LRP1B: variants seen among roughly 807,000 people sequenced by gnomAD.
LRP1B encodes LDL receptor related protein 1B.
LRP1B carries 217 observed loss-of-function variants against 556.6 expected under a neutral mutation model. The ratio of observed to expected loss-of-function variants is 0.39; its 90% CI spans 0.35 to 0.44. LRP1B has a LOEUF of 0.44. LRP1B is among the 20% of genes least tolerant of loss of function. The pLI is 1.00. For missense variants in LRP1B, 5,053 were observed against 5,620.8 expected (o/e 0.90, Z 3.23); for synonymous variants, 2,047 against 1,865.8 (o/e 1.10, Z -2.50).
At chr2:140,800,661 C>G (rs1194579886) in intron 32 of LRP1B, among the ~76,000 whole-genome samples, 1 of 152,118 alleles carries the variant, frequency 6.6e-6, no homozygotes, top group Non-Finnish European at 1.5e-5. Context: ...ACCCAATACT[C>G]TCTACAAAGT....
intron 2 of LRP1B, among the ~76,000 whole-genome samples, chr2:141,682,047 CGA>C (rs1691123516): frequency 6.6e-6 from 1 of 151,728 alleles, no homozygotes; most frequent in African/African-American, 2.4e-5. Context: ...GAAAGAATTT[CGA>C]AGCAAAAGTG....
chr2:140,294,043 C>T (rs1683505071), intron 84 of LRP1B, among the ~76,000 whole-genome samples: 1 of 152,150 alleles, frequency 6.6e-6, no homozygotes, highest in African/African-American at 2.4e-5. Context: ...TCAATTAAAA[C>T]ATAAGCTAAC....
intron 7 of LRP1B, among the ~76,000 whole-genome samples, chr2:141,063,663 C>A (rs974505266): frequency 6.6e-6 from 1 of 151,792 alleles, no homozygotes; most frequent in African/African-American, 2.4e-5. Context: ...TTCCATCCTG[C>A]ATCTCTGTTT....
Position 140,700,536 on chromosome 2 carries a change from G to A in LRP1B, c.6513C>T (p.Ala2171=), listed in dbSNP as rs563843597. The A allele has an allele frequency of 6.2e-7, 1 of 1,613,448 alleles. No homozygotes were observed. The highest frequency in any genetic ancestry group is 1.1e-5 in the South Asian group (1 of 91,074). ...RGNSRRTCAC[A]HGYLAEDGVT... ...CTCCATCTTCTGCCAAATATCCATG[G>A]GCACAAGCACAAGTTCTCCGGGAAT... Residue 2171 remains alanine, a synonymous_variant, in exon 41 of 91, where the codon GCC becomes GCT. Transcript: ENST00000389484.
At chr2:140,763,087 A>T (rs1688984672) in intron 35 of LRP1B, among the ~76,000 whole-genome samples, 1 of 152,114 alleles carries the variant, frequency 6.6e-6, no homozygotes. Context: ...AAATAGTTTG[A>T]CCTATCTATA....
intron 37 of LRP1B, 92 bp downstream of exon 37, chr2:140,715,879 TCA>T (rs1687192198): frequency 3.9e-6 from 4 of 1,032,040 alleles, no homozygotes; most frequent in Non-Finnish European, 5.5e-6. Flanking sequence ...TGATTTTGTC[TCA>T]GACATTACAG....
intron 80 of LRP1B, among the ~76,000 whole-genome samples, chr2:140,324,540 G>A (rs1680351005): frequency 6.6e-6 from 1 of 151,892 alleles, no homozygotes; most frequent in Non-Finnish European, 1.5e-5. Context: ...AATAATATTT[G>A]ACATTACTAT....
chr2:140,712,933 C>CTGTTGT (rs145358333), intron 37 of LRP1B, among the ~76,000 whole-genome samples: 2,452 of 151,886 alleles, frequency 0.016, 63 homozygotes, highest in African/African-American at 0.057. Context: ...GTTTTTGTTG[C>CTGTTGT]TGTTGTTGTT....
intron 41 of LRP1B, among the ~76,000 whole-genome samples, chr2:140,673,327 T>G (rs1685554337): frequency 6.6e-6 from 1 of 151,236 alleles, no homozygotes. Flanking sequence ...TCAAATTTAA[T>G]TATATTTATT....
chr2:141,212,245 C>T (rs57012821), intron 6 of LRP1B, among the ~76,000 whole-genome samples: 4 of 62,200 alleles, frequency 6.4e-5, no homozygotes, highest in Non-Finnish European at 1.2e-4. Context: ...ATCAAAAAGT[C>T]TAGATTTTTT....
At chr2:140,672,869 T>C (rs967105041) in intron 41 of LRP1B, among the ~76,000 whole-genome samples, 2 of 152,202 alleles carry the variant, frequency 1.3e-5, no homozygotes, top group African/African-American at 4.8e-5. Context: ...GATAATTCCA[T>C]CCTTATTTTT....
intron 86 of LRP1B, among the ~76,000 whole-genome samples, chr2:140,251,093 A>G (rs1299142734): frequency 6.6e-6 from 1 of 151,724 alleles, no homozygotes; most frequent in Admixed American, 6.6e-5. Context: ...TATAGCTATA[A>G]TGTTTTGTTT....
At chr2:141,221,702 A>C (rs1346864596) in intron 6 of LRP1B, among the ~76,000 whole-genome samples, 1 of 152,176 alleles carries the variant, frequency 6.6e-6, no homozygotes, top group African/African-American at 2.4e-5. Context: ...ACTAATACAA[A>C]ATAACTGAAA....
chr2:140,459,703 T>C (rs775555062), intron 60 of LRP1B, among the ~76,000 whole-genome samples: 2 of 152,188 alleles, frequency 1.3e-5, no homozygotes, highest in Non-Finnish European at 2.9e-5. Context: ...AGTAATGATA[T>C]GGTTTGGCTC....
intron 2 of LRP1B, among the ~76,000 whole-genome samples, chr2:141,802,819 C>T (rs1159947177): frequency 6.6e-6 from 1 of 152,008 alleles, no homozygotes; most frequent in Non-Finnish European, 1.5e-5. Flanking sequence ...AGCCTTCATC[C>T]ACAACCCCAA....
intron 43 of LRP1B, among the ~76,000 whole-genome samples, chr2:140,574,870 T>C (rs1313180982): frequency 1.3e-5 from 2 of 152,196 alleles, no homozygotes; most frequent in Non-Finnish European, 1.5e-5. Context: ...TGAATTCATT[T>C]TTAGGTGTTA....
intron 6 of LRP1B, among the ~76,000 whole-genome samples, chr2:141,223,052 G>T (rs2105280145): frequency 6.6e-6 from 1 of 152,264 alleles, no homozygotes; most frequent in Middle Eastern, 3.4e-3. Context: ...TCAGGCAAGA[G>T]AAAGAAATAA....
At chr2:140,920,475 T>A (rs1200790667) in intron 21 of LRP1B, among the ~76,000 whole-genome samples, 1 of 152,046 alleles carries the variant, frequency 6.6e-6, no homozygotes, top group African/African-American at 2.4e-5. Context: ...AAAATAATCA[T>A]GAACTTTGGA....
intron 29 of LRP1B, among the ~76,000 whole-genome samples, chr2:140,849,647 T>G (rs1467337085): frequency 6.6e-6 from 1 of 152,010 alleles, no homozygotes; most frequent in Non-Finnish European, 1.5e-5. Context: ...TCAAGTGATT[T>G]TCCTGCCTCA....
Sources: allele counts gnomAD v4.1 joint callset (sites outside exome capture counted in the v4.1 genomes callset), GRCh38; gene constraint gnomAD v4.1.1; transcripts MANE v1.5; gene names NCBI Gene and HGNC (gene_info 2026-07-23, HGNC 2026-07-21).